Variants in ZIC4 observed in about 807,000 individuals in gnomAD.
ZIC4 encodes the protein zinc finger protein ZIC 4.
A neutral mutation model predicts 28.8 loss-of-function variants in ZIC4; 15 were observed. That is an observed-to-expected ratio of 0.52 (90% confidence interval 0.35 to 0.80). The LOEUF (loss-of-function observed/expected upper bound fraction) is 0.80, where lower values mean the gene tolerates loss of function less well. Ranked by LOEUF, ZIC4 falls within the 30% of genes least tolerant of loss-of-function variation. ZIC4 has a pLI of 0.01. For missense variants in ZIC4, 512 were observed against 467.1 expected (o/e 1.10, Z -0.89); for synonymous variants, 220 against 198.1 (o/e 1.11, Z -0.93).
chr3:147,400,437 G>A (rs567098724), intron 2 of ZIC4, among the ~76,000 whole-genome samples: 3 of 152,324 alleles, frequency 2.0e-5, no homozygotes, highest in Admixed American at 2.0e-4. Flanking sequence ...CTTCCCAGAT[G>A]CAGCCTTCTC....
At chr3:147,394,735 T>C (rs908384811) in intron 3 of ZIC4, among the ~76,000 whole-genome samples, 1 of 152,198 alleles carries the variant, frequency 6.6e-6, no homozygotes, top group Non-Finnish European at 1.5e-5. Flanking sequence ...AGGCTCCAAG[T>C]GGACTTTGGT....
intron 1 of ZIC4, chr3:147,403,595 C>T (rs1162322132): frequency 5.8e-6 from 1 of 173,642 alleles, no homozygotes; most frequent in Non-Finnish European, 1.2e-5. Flanking sequence ...AGGACCTCTG[C>T]ATCTGTCAGG....
chr3:147,404,299 A>G lies in ZIC4; in HGVS notation c.-15-1487T>C, dbSNP rs1313151191. On this transcript the variant is annotated intron_variant, in intron 1 of 4. Coordinates refer to ENST00000383075, the MANE Select transcript of ZIC4 (RefSeq NM_032153.6). ...GATCACTTCTCTCCCAGGTCCTGTCAGCCTTTTGTGCACTACAGACCCATA... is the reference window on the plus strand; with the variant it reads ...GATCACTTCTCTCCCAGGTCCTGTCGGCCTTTTGTGCACTACAGACCCATA... 6 of 1,413,840 alleles carry G rather than the reference A, an allele frequency of 4.2e-6. No individual in the cohort carries two copies. The East Asian group carries it at 1.3e-4, about 30-fold the overall frequency. 87.6% of individuals were successfully genotyped at this position (1,413,840 alleles called of 1,614,324 possible).
intron 1 of ZIC4, chr3:147,403,578 C>T (rs1373038780): frequency 6.1e-6 from 1 of 164,612 alleles, no homozygotes; most frequent in Non-Finnish European, 1.3e-5. Context: ...TACTTAAAGC[C>T]ATCCTGAGGA....
At chr3:147,392,161 G>A (rs1453864467) in intron 3 of ZIC4, 1 of 985,574 alleles carries the variant, frequency 1.0e-6, no homozygotes, top group Non-Finnish European at 1.2e-6. Flanking sequence ...CGAGGGGTTG[G>A]CGCGGTAGGG....
chr3:147,399,641 ACT>A (rs963010461), intron 2 of ZIC4, among the ~76,000 whole-genome samples: 139 of 148,016 alleles, frequency 9.4e-4, no homozygotes, highest in African/African-American at 3.3e-3. Flanking sequence ...TAGCTTTAAG[ACT>A]CTGATTTGCA....
rs750237984 is a variant in ZIC4, at chr3:147,391,017, G to T, written c.918C>A (p.Leu306=). The part of the protein sequence containing the change: ...SGYDSATPSA[L]VSPSSDCGHK... ...GGCCGCAGTCCGACGAGGGCGACAC[G>T]AGGGCAGACGGTGTAGCCGAATCGT... Residue 306 remains leucine (L), a synonymous_variant, in exon 4 of 5, where the codon CTC becomes CTA. Coordinates refer to ENST00000383075, the MANE Select transcript of ZIC4 (RefSeq NM_032153.6). 6.2e-7 allele frequency: 1 copy of T among 1,613,634 alleles called. No homozygotes were observed. The highest frequency in any genetic ancestry group is 1.7e-5 in the Admixed American group (1 of 60,022).
chr3:147,404,018 C>T (rs1202379999), intron 1 of ZIC4: 13 of 1,537,038 alleles, frequency 8.5e-6, no homozygotes, highest in African/African-American at 2.7e-5. Flanking sequence ...AGGCATTCTT[C>T]CCCAAAGGTA....
At chr3:147,390,601 G>C (rs1228814936) in intron 4 of ZIC4, among the ~76,000 whole-genome samples, 2 of 152,106 alleles carry the variant, frequency 1.3e-5, no homozygotes, top group African/African-American at 4.8e-5. Flanking sequence ...AGTCATGAAG[G>C]CGCGTGTGGG....
At chr3:147,399,854 C>T (rs931998660) in intron 2 of ZIC4, among the ~76,000 whole-genome samples, 6 of 151,980 alleles carry the variant, frequency 3.9e-5, no homozygotes, top group South Asian at 4.2e-4. Flanking sequence ...TTAGTAAAGA[C>T]GGAGTTTCAC....
chr3:147,405,464 C>G, intron 1 of ZIC4: 1 of 1,537,220 alleles, frequency 6.5e-7, no homozygotes, highest in Non-Finnish European at 8.7e-7. Flanking sequence ...TTGACATGGG[C>G]CATTCATCAA....
chr3:147,403,009 T>C (rs1246095315), intron 1 of ZIC4, among the ~76,000 whole-genome samples, 197 bp from the exon 2 acceptor site: 1 of 152,184 alleles, frequency 6.6e-6, no homozygotes, highest in African/African-American at 2.4e-5. Context: ...AAATGATATA[T>C]CTTTGGTGAT....
intron 4 of ZIC4, among the ~76,000 whole-genome samples, chr3:147,390,213 C>G (rs2107963179): frequency 6.6e-6 from 1 of 152,232 alleles, no homozygotes; most frequent in Non-Finnish European, 1.5e-5. Context: ...ATGAATCTCC[C>G]TTACCTCCTT....
At chr3:147,399,727 G>A (rs1311896826) in intron 2 of ZIC4, among the ~76,000 whole-genome samples, 6 of 147,670 alleles carry the variant, frequency 4.1e-5, no homozygotes, top group South Asian at 2.2e-4. Context: ...GTGCAATGGC[G>A]CCATCTTGGC....
At chr3:147,402,652 C>T in intron 2 of ZIC4, 76 bp downstream of exon 2, 1 of 1,355,422 alleles carries the variant, frequency 7.4e-7, no homozygotes, top group Non-Finnish European at 1.0e-6. Flanking sequence ...ACAAAACTTC[C>T]TACTTAAAAA....
At position 147,396,081 on chromosome 3, in the gene ZIC4, C is replaced by A; in HGVS notation, c.459G>T (p.Glu153Asp). 1 of 1,614,258 alleles carries A rather than the reference C, an allele frequency of 6.2e-7. No homozygotes were observed. The highest frequency in any genetic ancestry group is 8.5e-7 in the Non-Finnish European group (1 of 1,180,062). The change falls in exon 3 of 5, where the codon GAG (glutamate) becomes GAT (aspartate). Residue 153 changes from glutamate to aspartate, a missense_variant. Physicochemically the swap from Glu to Asp is conservative, Grantham distance 45. Around this residue, in one of 3 missense-constraint regions of ZIC4, gnomAD observed 310 missense variants for 256.5 expected, o/e 1.21. Transcript: ENST00000383075. This position sits in a 1 kb window ranked among gnomAD's most constrained non-coding sequence, Gnocchi z 4.2. Reference protein sequence around the residue: ...LCSKTFSTMHELVTHVTVEHV... With the variant: ...LCSKTFSTMHDLVTHVTVEHV... ...GCTCCACGGTGACGTGCGTGACCAG[C>A]TCGTGCATGGTGCTGAAAGTTTTGG...
Position 147,402,743 on chromosome 3 carries a change from T to G in ZIC4, c.55A>C (p.Thr19Pro), listed in dbSNP as rs1576464220. The change falls in exon 2 of 5, where the codon ACT becomes CCT. Residue 19 changes from threonine (T) to proline (P), a missense_variant. Transcript: ENST00000383075. Reference sequence around the variant, plus strand: ...TTTAACTTACTTGACTCTTTAAGAGTGTTTCGGTAAAGCCGTAATCGTTTC... The same window carrying G: ...TTTAACTTACTTGACTCTTTAAGAGGGTTTCGGTAAAGCCGTAATCGTTTC... ...MRKRLRLYRNTLKESSSSSGH... is the reference protein window; with the variant it reads ...MRKRLRLYRNPLKESSSSSGH... 1.2e-6 allele frequency: 2 copies of G among 1,613,458 alleles called. No individual in the cohort carries two copies. The highest frequency in any genetic ancestry group is 4.5e-5 in the East Asian group (2 of 44,840).
chr3:147,401,731 A>G (rs1165966850), intron 2 of ZIC4, among the ~76,000 whole-genome samples: 1 of 152,238 alleles, frequency 6.6e-6, no homozygotes, highest in Non-Finnish European at 1.5e-5. Flanking sequence ...AAAAGAGGAT[A>G]TTCTTCTCCT....
chr3:147,386,817 C>T lies in ZIC4; in HGVS notation c.*2042G>A, dbSNP rs1480467815. ...AGGAAACAGGAAATTAATAAAATAT[C>T]TCTCTCCTTCAGCTATTCTCCTTCT... is the stretch of plus-strand genomic sequence containing the variant. On this transcript the variant is annotated 3_prime_UTR_variant, in exon 5 of 5. Coordinates refer to ENST00000383075, the MANE Select transcript of ZIC4 (RefSeq NM_032153.6). The T allele has an allele frequency of 6.6e-6, 1 of 152,246 alleles. No individual in the cohort carries two copies. The highest frequency in any genetic ancestry group is 1.5e-5 in the Non-Finnish European group (1 of 68,048). The allele number at this position is 152,246 out of a possible 1,614,324, so 9.4% of individuals were successfully genotyped here.
Sources: gnomAD v4.1 joint callset for allele counts (sites outside exome capture counted in the v4.1 genomes callset) on GRCh38, gnomAD v4.1.1 for gene constraint, gnomAD v4.1.1 regional missense constraint, Gnocchi (gnomAD v3.1) non-coding constraint, MANE v1.5 for transcripts, NCBI Gene and HGNC (gene_info 2026-07-23, HGNC 2026-07-21) for gene names.